The following CAPN13 variants were observed in gnomAD, a reference collection of about 807,000 sequenced individuals.
CAPN13 encodes calpain-13.
In CAPN13, 90 loss-of-function variants were observed where a neutral mutation model predicts 98.4. The ratio of observed to expected loss-of-function variants is 0.92; its 90% CI spans 0.77 to 1.09. The LOEUF (loss-of-function observed/expected upper bound fraction) is 1.09, where lower values mean the gene tolerates loss of function less well. Ranked by LOEUF, CAPN13 falls within the 50% of genes least tolerant of loss-of-function variation. The pLI is 0.00. For synonymous variants in CAPN13, 330 were observed against 305.5 expected (o/e 1.08, Z -0.84); for missense variants, 887 against 841.3 (o/e 1.05, Z -0.67).
intron 2 of CAPN13, among the ~76,000 whole-genome samples, chr2:30,785,079 C>T (rs944824623): frequency 3.9e-5 from 6 of 152,314 alleles, no homozygotes; most frequent in Admixed American, 6.5e-5. Context: ...CTTTCTTGCA[C>T]GTGTGAACTT....
In CAPN13 at chr2:30,745,668, A is replaced by G. The variant is rs976537184; in HGVS notation, c.1248+55T>C. ...CCATGGGCGTTGGAAGTGGCCTAAC[A>G]CTCCACCAGCAGACAGCAGCAGAGG... is the stretch of plus-strand genomic sequence containing the variant. On this transcript the variant is annotated intron_variant, in intron 12 of 22. Transcript: ENST00000295055. The G allele has an allele frequency of 7.6e-6, 12 of 1,586,896 alleles. No homozygotes were observed. The African/African-American group carries it at 1.3e-4, about 18-fold the overall frequency.
At chr2:30,724,919 C>CA (rs137895987) in intron 22 of CAPN13, among the ~76,000 whole-genome samples, 5,891 of 152,280 alleles carry the variant, frequency 0.039, 199 homozygotes, top group East Asian at 0.14. Flanking sequence ...GGTTGTTGGT[C>CA]TCAGTAAGAC....
chr2:30,754,273 A>T lies in CAPN13; in HGVS notation c.941+17T>A. Reference sequence around the variant, plus strand: ...AATAAAAGATTTAAAACACCATTGTATAAGAAGGGTAAATACCAAAACTCG... The same window carrying T: ...AATAAAAGATTTAAAACACCATTGTTTAAGAAGGGTAAATACCAAAACTCG... On this transcript the variant is annotated intron_variant, in intron 9 of 22. Transcript: ENST00000295055. 2 of 1,589,110 alleles carry T rather than the reference A, an allele frequency of 1.3e-6. No individual in the cohort carries two copies. Among genetic ancestry groups the T allele is most frequent in the Non-Finnish European group, 1.7e-6 (2 of 1,167,582 alleles).
chr2:30,761,297 T>G (rs535880771), intron 7 of CAPN13, among the ~76,000 whole-genome samples: 9 of 152,296 alleles, frequency 5.9e-5, no homozygotes, highest in Non-Finnish European at 4.4e-5. Flanking sequence ...GTGCTCTGTT[T>G]AGACCACTCG....
chr2:30,756,244 C>A (rs1282193640), intron 8 of CAPN13, among the ~76,000 whole-genome samples: 1 of 152,192 alleles, frequency 6.6e-6, no homozygotes, highest in East Asian at 1.9e-4. Context: ...ACTCTCTCTC[C>A]CAGTTTCCTC....
chr2:30,783,379 C>G lies in CAPN13; in HGVS notation c.198+3749G>C, dbSNP rs114634077. 9.6e-3 allele frequency among the ~76,000 whole-genome samples: 1,454 copies of G among 152,152 alleles called. 17 individuals are homozygous for G. The highest frequency in any genetic ancestry group is 0.032 in the African/African-American group (1,326 of 41,506). ...GCACCATCATGGGCTACTGCGGAGC[C>G]TGGCTGGGGGAGGGGGAGGGCTTGG... is the stretch of plus-strand genomic sequence containing the variant. On this transcript the variant is annotated intron_variant, in intron 2 of 22. Transcript: ENST00000295055.
chr2:30,732,589 G>T, intron 19 of CAPN13, 23 bp from the exon 20 acceptor site: 2 of 1,598,568 alleles, frequency 1.3e-6, no homozygotes, highest in Non-Finnish European at 8.5e-7. Flanking sequence ...GTGAACGAGT[G>T]AGTGAGAGGA....
At chr2:30,798,239 T>C (rs1674989584) in intron 1 of CAPN13, among the ~76,000 whole-genome samples, 1 of 152,242 alleles carries the variant, frequency 6.6e-6, no homozygotes, top group South Asian at 2.1e-4. Flanking sequence ...CATGCAGCCT[T>C]ATTGCATGGT....
rs796663226 is a variant in CAPN13 at position 30,736,658 on chromosome 2, C to T, written c.1654-87G>A. ...CCAACAAAGCCAGAGCAGGCCCATT[C>T]ATCACTAGCAACACAGCTGGTCCAT... On this transcript the variant is annotated intron_variant, in intron 17 of 22. Transcript: ENST00000295055. The T allele has an allele frequency of 2.9e-5, 35 of 1,198,472 alleles. No homozygotes were observed. In the African/African-American group the frequency reaches 4.9e-4, roughly 17 times the overall value. The allele number at this position is 1,198,472 out of a possible 1,614,324, so 74.2% of individuals were successfully genotyped here.
intron 22 of CAPN13, among the ~76,000 whole-genome samples, chr2:30,728,620 T>A (rs751062): frequency 6.6e-6 from 1 of 151,964 alleles, no homozygotes; most frequent in Non-Finnish European, 1.5e-5. Context: ...GGTTAGATGG[T>A]GGGCAGGGTC....
intron 1 of CAPN13, among the ~76,000 whole-genome samples, chr2:30,799,753 A>G (rs565984228): frequency 2.0e-4 from 30 of 152,156 alleles, no homozygotes; most frequent in Non-Finnish European, 3.8e-4. Context: ...GAAATGAAGG[A>G]AACCTCTCTC....
At chr2:30,786,456 A>C (rs1303206444) in intron 2 of CAPN13, among the ~76,000 whole-genome samples, 4 of 152,142 alleles carry the variant, frequency 2.6e-5, no homozygotes, top group Non-Finnish European at 5.9e-5. Context: ...ATGCCCTAAA[A>C]TTAAGATAGT....
At chr2:30,755,582 C>T (rs1159052901) in intron 8 of CAPN13, among the ~76,000 whole-genome samples, 4 of 152,188 alleles carry the variant, frequency 2.6e-5, no homozygotes, top group Admixed American at 2.6e-4. Flanking sequence ...AAGGGAGCAG[C>T]TGCTCCTTCA....
At chr2:30,784,265 T>G (rs190245682) in intron 2 of CAPN13, among the ~76,000 whole-genome samples, 30 of 151,644 alleles carry the variant, frequency 2.0e-4, no homozygotes, top group African/African-American at 7.3e-4. Flanking sequence ...CTGACCCACA[T>G]TTTTCCCTGA....
At position 30,742,345 on chromosome 2, in the gene CAPN13, T is replaced by C; in HGVS notation, c.1460A>G (p.His487Arg). The change falls in exon 14 of 23, where the codon CAT becomes CGT. Residue 487 changes from histidine to arginine, a missense_variant. His to Arg is a conservative substitution (Grantham distance 29). Transcript: ENST00000295055. ...ACCTACCTTCATTCTGAGGTTGAAA[T>C]GGCTGCTCAGGTGCCTAGAAAATCA... ...MPDSDRHLSS[H>R]FNLRMKGSPS... 1 of 1,604,698 alleles carries C rather than the reference T, an allele frequency of 6.2e-7. No homozygotes were observed. Among genetic ancestry groups the C allele is most frequent in the East Asian group, 2.2e-5 (1 of 44,560 alleles).
intron 3 of CAPN13, among the ~76,000 whole-genome samples, chr2:30,776,881 T>G (rs1453415455): frequency 6.6e-6 from 1 of 152,190 alleles, no homozygotes; most frequent in Admixed American, 6.5e-5. Flanking sequence ...AGGGGAACCC[T>G]TGGCTGGTGG....
intron 2 of CAPN13, among the ~76,000 whole-genome samples, chr2:30,779,074 C>T (rs946807558): frequency 4.6e-5 from 7 of 152,252 alleles, no homozygotes; most frequent in Non-Finnish European, 8.8e-5. Context: ...GTCAAAGATC[C>T]TCCACTCGTG....
intron 4 of CAPN13, among the ~76,000 whole-genome samples, chr2:30,772,751 A>T (rs898938189): frequency 2.6e-5 from 4 of 152,212 alleles, no homozygotes; most frequent in Non-Finnish European, 4.4e-5. Context: ...AATATCACTG[A>T]ATTCCCAGAC....
At chr2:30,791,430 A>G (rs1327614971) in intron 1 of CAPN13, among the ~76,000 whole-genome samples, 2 of 152,234 alleles carry the variant, frequency 1.3e-5, no homozygotes, top group African/African-American at 2.4e-5. Context: ...CATATCAGCT[A>G]TTCTTGAGTG....
Sources: gnomAD v4.1 joint callset for allele counts (sites outside exome capture counted in the v4.1 genomes callset) on GRCh38, gnomAD v4.1.1 for gene constraint, MANE v1.5 for transcripts, NCBI Gene and HGNC (gene_info 2026-07-23, HGNC 2026-07-21) for gene names.